The following LRP1B variants were observed in gnomAD, a reference collection of about 807,000 sequenced individuals.
LRP1B encodes the protein LDL receptor related protein 1B.
Under a neutral mutation model 556.6 loss-of-function variants are expected in LRP1B, and 217 were observed. That is an observed-to-expected ratio of 0.39 (90% CI 0.35 to 0.44). The LOEUF (loss-of-function observed/expected upper bound fraction) is 0.44. Ranked by LOEUF, LRP1B falls within the 20% of genes least tolerant of loss-of-function variation. The pLI is 1.00. For missense variants in LRP1B, 5,053 were observed against 5,620.8 expected, an observed-to-expected ratio of 0.90 and a Z score of 3.23; for synonymous variants, 2,047 against 1,865.8, an observed-to-expected ratio of 1.10 and a Z score of -2.50.
At chr2:140,969,730 A>G (rs936361594) in intron 18 of LRP1B, among the ~76,000 whole-genome samples, 17 of 151,978 alleles carry the variant, frequency 1.1e-4, no homozygotes, top group Non-Finnish European at 1.8e-4. Context: ...GTGGTGACAA[A>G]ATCTCTCAGC....
At chr2:140,348,197 A>G (rs948955817) in intron 77 of LRP1B, among the ~76,000 whole-genome samples, 5 of 152,078 alleles carry the variant, frequency 3.3e-5, no homozygotes, top group African/African-American at 1.2e-4. Context: ...TATGCCTTTC[A>G]AGTTAGTTGC....
intron 7 of LRP1B, among the ~76,000 whole-genome samples, chr2:141,097,181 T>TGCTC (rs1700344436): frequency 6.6e-6 from 1 of 152,214 alleles, no homozygotes; most frequent in South Asian, 2.1e-4. Context: ...GAGTTAATCA[T>TGCTC]TGAATTCTGC....
At chr2:140,459,549 T>C (rs1007943192) in intron 60 of LRP1B, among the ~76,000 whole-genome samples, 1 of 152,234 alleles carries the variant, frequency 6.6e-6, no homozygotes, top group Non-Finnish European at 1.5e-5. Flanking sequence ...CAATTAGCAT[T>C]TCAAAAGGAA....
intron 41 of LRP1B, among the ~76,000 whole-genome samples, chr2:140,630,703 G>A (rs1683848126): frequency 6.6e-6 from 1 of 152,140 alleles, no homozygotes; most frequent in South Asian, 2.1e-4. Context: ...CAGGGGAAAG[G>A]GAAAAGTAAG....
chr2:141,121,925 C>A (rs1259791016), intron 7 of LRP1B, among the ~76,000 whole-genome samples: 2 of 152,072 alleles, frequency 1.3e-5, no homozygotes, highest in Non-Finnish European at 2.9e-5. Flanking sequence ...TGGAACAGAG[C>A]AGAGCCCTCA....
At chr2:141,028,893 A>G (rs1330499852) in intron 11 of LRP1B, among the ~76,000 whole-genome samples, 8 of 152,126 alleles carry the variant, frequency 5.3e-5, no homozygotes, top group Admixed American at 5.2e-4. Context: ...GGCAACAACC[A>G]AGTGAAACAT....
At chr2:140,357,671 A>C (rs766097986) in intron 74 of LRP1B, among the ~76,000 whole-genome samples, 1 of 151,770 alleles carries the variant, frequency 6.6e-6, no homozygotes, top group Non-Finnish European at 1.5e-5. Context: ...AAAACTTAAC[A>C]CTAAATTTGT....
At chr2:140,524,838 G>A (rs1690360187) in intron 49 of LRP1B, among the ~76,000 whole-genome samples, 1 of 151,652 alleles carries the variant, frequency 6.6e-6, no homozygotes, top group South Asian at 2.1e-4. Flanking sequence ...AAACTATTAG[G>A]TACCATGTTC....
chr2:141,611,941 C>A (rs539951403), intron 2 of LRP1B, among the ~76,000 whole-genome samples: 1 of 152,304 alleles, frequency 6.6e-6, no homozygotes, highest in South Asian at 2.1e-4. Flanking sequence ...GGATAATTAT[C>A]AGCCATTTTA....
At chr2:140,855,505 A>T (rs1303581900) in intron 27 of LRP1B, among the ~76,000 whole-genome samples, 1 of 150,646 alleles carries the variant, frequency 6.6e-6, no homozygotes, top group Non-Finnish European at 1.5e-5. Context: ...AAAAAAAAAA[A>T]TTTGAATGGC....
intron 3 of LRP1B, among the ~76,000 whole-genome samples, chr2:141,438,468 A>G (rs138667033): frequency 1.0e-3 from 157 of 152,256 alleles, no homozygotes; most frequent in African/African-American, 3.7e-3. Context: ...CTAATTACAC[A>G]TATGCCTGCC....
intron 1 of LRP1B, among the ~76,000 whole-genome samples, chr2:142,071,720 G>A (rs1284615739): frequency 6.6e-6 from 1 of 151,758 alleles, no homozygotes; most frequent in Non-Finnish European, 1.5e-5. Context: ...CATAAAGTTA[G>A]GCAACTCTGT....
intron 1 of LRP1B, among the ~76,000 whole-genome samples, chr2:141,911,778 T>A (rs1262279643): frequency 6.6e-6 from 1 of 152,140 alleles, no homozygotes; most frequent in Non-Finnish European, 1.5e-5. Flanking sequence ...TTATGGATAG[T>A]AGCCCTGGTG....
chr2:140,587,272 A>C (rs1054242046), intron 43 of LRP1B, among the ~76,000 whole-genome samples: 1 of 152,220 alleles, frequency 6.6e-6, no homozygotes, highest in African/African-American at 2.4e-5. Context: ...GGAGAGGAGA[A>C]AGCGTGGGGC....
At chr2:141,826,660 G>A (rs1482090893) in intron 1 of LRP1B, among the ~76,000 whole-genome samples, 1 of 151,986 alleles carries the variant, frequency 6.6e-6, no homozygotes, top group Non-Finnish European at 1.5e-5. Context: ...CGCCCGACCA[G>A]AAGTTTTAAA....
intron 3 of LRP1B, among the ~76,000 whole-genome samples, chr2:141,289,828 C>T (rs529797366): frequency 1.4e-4 from 21 of 152,202 alleles, no homozygotes; most frequent in South Asian, 8.3e-4. Context: ...GTAGAAAATC[C>T]GAATATTTGA....
chr2:140,353,412 C>T (rs1033078384), intron 75 of LRP1B, among the ~76,000 whole-genome samples: 1 of 151,940 alleles, frequency 6.6e-6, no homozygotes, highest in African/African-American at 2.4e-5. Flanking sequence ...TGCAGGTTTG[C>T]TACCTAGATA....
chr2:141,781,792 G>T (rs1313846339), intron 2 of LRP1B, among the ~76,000 whole-genome samples: 1 of 152,098 alleles, frequency 6.6e-6, no homozygotes, highest in Non-Finnish European at 1.5e-5. Flanking sequence ...TTCTGAGAGA[G>T]CTAGGGAAAC....
chr2:141,412,169 A>G (rs1022559641), intron 3 of LRP1B, among the ~76,000 whole-genome samples: 9 of 152,222 alleles, frequency 5.9e-5, no homozygotes, highest in African/African-American at 2.2e-4. Flanking sequence ...AGTTAAATAA[A>G]TACTTGGAGT....
Sources: gnomAD v4.1 joint callset for allele counts (sites outside exome capture counted in the v4.1 genomes callset) on GRCh38, gnomAD v4.1.1 for gene constraint, MANE v1.5 for transcripts, NCBI Gene and HGNC (gene_info 2026-07-23, HGNC 2026-07-21) for gene names.